MGST2: variants seen among roughly 807,000 people sequenced by gnomAD.
The protein encoded by MGST2 is glutathione peroxidase MGST2.
A neutral mutation model predicts 16.6 loss-of-function variants in MGST2; 9 were observed. The ratio of observed to expected loss-of-function variants is 0.54; its 90% CI spans 0.33 to 0.95. The LOEUF (loss-of-function observed/expected upper bound fraction) is 0.95. Among genes scored for constraint, MGST2 ranks in the 40% least tolerant of loss-of-function variants. MGST2 has a pLI of 0.03. For synonymous variants in MGST2, 79 were observed against 68.0 expected (o/e 1.16, Z -0.79); for missense variants, 159 against 175.1 (o/e 0.91, Z 0.52).
chr4:139,693,264 G>A (rs1212095761), intron 2 of MGST2, among the ~76,000 whole-genome samples: 2 of 152,128 alleles, frequency 1.3e-5, no homozygotes, highest in African/African-American at 2.4e-5. Flanking sequence ...AATTAGCCGG[G>A]CGCGGTGGCA....
the MGST2 span, among the ~76,000 whole-genome samples, chr4:139,750,455 C>A: frequency 2.0e-5 from 3 of 152,290 alleles, no homozygotes; most frequent in Admixed American, 6.5e-5. Flanking sequence ...CTAGAAATGG[C>A]CTTTGGTGCA....
intron 5 of MGST2, among the ~76,000 whole-genome samples, chr4:139,733,721 G>A (rs570128808): frequency 5.9e-5 from 9 of 152,236 alleles, no homozygotes; most frequent in African/African-American, 9.6e-5. Flanking sequence ...GTTTCACTCC[G>A]TTGCCCAGGC....
intron 2 of MGST2, among the ~76,000 whole-genome samples, chr4:139,682,578 T>C (rs1731310174): frequency 6.6e-6 from 1 of 152,142 alleles, no homozygotes; most frequent in Non-Finnish European, 1.5e-5. Flanking sequence ...CTTTGGCTTT[T>C]CTCTGAGTGA....
At chr4:139,717,252 A>C (rs1728014447) in intron 5 of MGST2, 1 of 150,182 alleles carries the variant, frequency 6.7e-6, no homozygotes, top group Admixed American at 6.6e-5. Flanking sequence ...AAGATAATGG[A>C]GCCCCCCACC....
At chr4:139,721,740 G>A (rs1376758885) in intron 5 of MGST2, among the ~76,000 whole-genome samples, 5 of 152,090 alleles carry the variant, frequency 3.3e-5, no homozygotes, top group African/African-American at 4.8e-5. Context: ...GAAAGATCTG[G>A]GGGAAATCCC....
chr4:139,682,529 G>A (rs113082531), intron 2 of MGST2, among the ~76,000 whole-genome samples: 349 of 152,270 alleles, frequency 2.3e-3, no homozygotes, highest in African/African-American at 8.1e-3. Context: ...GGTCATAGAC[G>A]GCTGGGTCAC....
At chr4:139,719,456 T>C (rs1269770621) in intron 5 of MGST2, 11 of 1,613,856 alleles carry the variant, frequency 6.8e-6, no homozygotes, top group Non-Finnish European at 9.3e-6. Flanking sequence ...GCCACTGTAA[T>C]TGTATGACAC....
chr4:139,691,067 G>A (rs1438020539), intron 2 of MGST2, among the ~76,000 whole-genome samples: 4 of 152,220 alleles, frequency 2.6e-5, no homozygotes, highest in African/African-American at 9.6e-5. Flanking sequence ...GCGTTCATGG[G>A]AAGCTTCAAT....
At chr4:139,719,914 C>T in intron 5 of MGST2, 1 of 1,614,054 alleles carries the variant, frequency 6.2e-7, no homozygotes. Flanking sequence ...GGGCTTGGGG[C>T]CTAGGCAAGG....
the MGST2 span, among the ~76,000 whole-genome samples, chr4:139,747,431 C>T: frequency 3.9e-5 from 6 of 152,198 alleles, no homozygotes; most frequent in African/African-American, 9.7e-5. Context: ...CAGTGGCTCA[C>T]GCCTGTAATC....
intron 5 of MGST2, among the ~76,000 whole-genome samples, chr4:139,732,732 T>C (rs1221742639): frequency 6.6e-6 from 1 of 152,186 alleles, no homozygotes; most frequent in Non-Finnish European, 1.5e-5. Context: ...TCAGTATTCC[T>C]ACTAGCTCAG....
intron 1 of MGST2, among the ~76,000 whole-genome samples, chr4:139,667,473 G>A (rs989982700): frequency 7.2e-6 from 1 of 138,218 alleles, no homozygotes; most frequent in African/African-American, 2.7e-5. Flanking sequence ...GGGCCAGAAT[G>A]TTAGGGGGCT....
chr4:139,745,278 C>T (rs937144999), downstream of MGST2, among the ~76,000 whole-genome samples: 7 of 124,334 alleles, frequency 5.6e-5, no homozygotes, highest in East Asian at 1.4e-3. Context: ...CCAGCCGACT[C>T]GACCACCGTC....
At chr4:139,709,058 G>A (rs1727636373), downstream of MGST2, among the ~76,000 whole-genome samples, 2 of 137,212 alleles carry the variant, frequency 1.5e-5, no homozygotes, top group South Asian at 4.8e-4. Flanking sequence ...ACCTTTGTGA[G>A]ACAATGGAAA....
rs556995482 is a variant in MGST2, at chr4:139,715,039, G to A, written c.*48+10843G>A. 8.5e-5 allele frequency among the ~76,000 whole-genome samples: 13 copies of A among 152,342 alleles called. No homozygotes were observed. In the South Asian group the frequency reaches 2.7e-3, roughly 32 times the overall value. ...GTTCTTAGCCGAGAGGGACTTTACC[G>A]AAGAGGGGCCTCTAACCCGCTAAAT... On this transcript the variant is annotated intron_variant, in intron 5 of 5. Transcript: ENST00000616265. The surrounding 1 kb of genome is among the most constrained non-coding windows in gnomAD (Gnocchi z 4.4).
intron 5 of MGST2, among the ~76,000 whole-genome samples, chr4:139,714,555 CAT>C (rs1727868077): frequency 6.6e-6 from 1 of 152,184 alleles, no homozygotes; most frequent in African/African-American, 2.4e-5. Flanking sequence ...CGTAATAAAA[CAT>C]AGATATTAAC....
chr4:139,729,374 C>T (rs1372348225), intron 5 of MGST2, among the ~76,000 whole-genome samples: 1 of 152,072 alleles, frequency 6.6e-6, no homozygotes, highest in East Asian at 1.9e-4. Flanking sequence ...AATCCTAGCA[C>T]TTTGGGAGGC....
chr4:139,751,598 C>T, the MGST2 span, among the ~76,000 whole-genome samples: 29 of 152,236 alleles, frequency 1.9e-4, no homozygotes, highest in African/African-American at 3.4e-4. Context: ...TCAGCTTTTC[C>T]GATTAGGGAT....
At chr4:139,687,346 G>A (rs1375063989) in intron 2 of MGST2, among the ~76,000 whole-genome samples, 2 of 152,178 alleles carry the variant, frequency 1.3e-5, no homozygotes, top group Admixed American at 6.5e-5. Context: ...ATTCTAAGGC[G>A]TAGGATAAAT....
Sources: gnomAD v4.1 joint callset for allele counts (sites outside exome capture counted in the v4.1 genomes callset) on GRCh38, gnomAD v4.1.1 for gene constraint, Gnocchi (gnomAD v3.1) non-coding constraint, MANE v1.5 for transcripts, NCBI Gene and HGNC (gene_info 2026-07-23, HGNC 2026-07-21) for gene names.